GPD2: variants seen among roughly 807,000 people sequenced by gnomAD.
The protein encoded by GPD2 is glycerol-3-phosphate dehydrogenase 2.
GPD2 carries 54 observed loss-of-function variants against 82.4 expected under a neutral mutation model. The observed-to-expected ratio is 0.66, with a 90% CI of 0.53 to 0.82. The LOEUF (loss-of-function observed/expected upper bound fraction) is 0.82. GPD2 is among the 40% of genes least tolerant of loss of function. The probability of loss-of-function intolerance (pLI) is 0.00; values close to 1 mark genes in which losing one functional copy is unlikely to be tolerated. For missense variants in GPD2, 748 were observed against 896.2 expected, an observed-to-expected ratio of 0.83 and a Z score of 2.11; for synonymous variants, 288 against 306.1, an observed-to-expected ratio of 0.94 and a Z score of 0.62.
chr2:156,579,054 A>T (rs1558972185), intron 14 of GPD2, 32 bp from the exon 15 acceptor site: 1 of 1,562,982 alleles, frequency 6.4e-7, no homozygotes. Flanking sequence ...CTATGTAAGT[A>T]TATTTTTCCA....
the GPD2 span, among the ~76,000 whole-genome samples, chr2:156,425,013 A>G: frequency 3.3e-5 from 5 of 152,088 alleles, no homozygotes; most frequent in East Asian, 9.6e-4. Flanking sequence ...AAAAACTGTA[A>G]TTTCCTAATG....
At chr2:156,508,343 G>A (rs1684860822) in intron 3 of GPD2, among the ~76,000 whole-genome samples, 1 of 152,004 alleles carries the variant, frequency 6.6e-6, no homozygotes, top group African/African-American at 2.4e-5. Context: ...AAGAGAGAGA[G>A]CACTTCCCAG....
chr2:156,516,650 G>T (rs1685208343), intron 6 of GPD2, among the ~76,000 whole-genome samples: 2 of 152,170 alleles, frequency 1.3e-5, no homozygotes, highest in Non-Finnish European at 2.9e-5. Flanking sequence ...TCCCTGTATT[G>T]CCTAGGCTAG....
chr2:156,427,330 A>G, the GPD2 span, among the ~76,000 whole-genome samples: 4 of 152,220 alleles, frequency 2.6e-5, no homozygotes, highest in Admixed American at 6.5e-5. Context: ...TTCTGCTCTT[A>G]TCTCTAAATG....
chr2:156,567,097 A>G (rs1217550837), intron 9 of GPD2, among the ~76,000 whole-genome samples: 1 of 151,970 alleles, frequency 6.6e-6, no homozygotes, highest in Non-Finnish European at 1.5e-5. Context: ...AATTTCTCAT[A>G]TGTTCTGCAT....
At position 156,558,765 on chromosome 2, in the gene GPD2, C is replaced by CTTTTTTTTTTTTTTTT. The variant is rs34524248; in HGVS notation, c.1165+1199_1165+1214dup. On this transcript the variant is annotated intron_variant, in intron 9 of 16. Transcript: ENST00000438166. ...GGTGCCCACCACCACGCCCAGCTAA[C>CTTTTTTTTTTTTTTTT]TTTTTTTTTTTTTTTTTTTTTTTTT... is the stretch of plus-strand genomic sequence containing the variant. Among the ~76,000 whole-genome samples the CTTTTTTTTTTTTTTTT allele has an allele frequency of 4.9e-5, 2 of 40,882 alleles. 1 individual carries two copies. Among genetic ancestry groups the CTTTTTTTTTTTTTTTT allele is most frequent in the Non-Finnish European group, 8.3e-5 (2 of 24,168 alleles). The allele number at this position is 40,882 out of a possible 152,430, so 26.8% of individuals were successfully genotyped here.
chr2:156,510,994 T>C (rs962282526), intron 4 of GPD2, 74 bp downstream of exon 4: 1 of 1,302,402 alleles, frequency 7.7e-7, no homozygotes, highest in Non-Finnish European at 1.1e-6. Flanking sequence ...CAGGTTTTTT[T>C]TTCTTTAATG....
Position 156,578,872 on chromosome 2 carries a change from G to A in GPD2, c.1768-17G>A, listed in dbSNP as rs1687919688. On this transcript the variant is annotated splice_polypyrimidine_tract_variant and intron_variant, in intron 13 of 16. Coordinates refer to ENST00000438166, the MANE Select transcript of GPD2 (RefSeq NM_000408.5). ...ATTTCCATGTGTCTTTGAACTTTGT[G>A]TGTATCTCTGTTTTAGGAACAACTT... is the stretch of plus-strand genomic sequence containing the variant. The A allele has an allele frequency of 5.2e-6, 7 of 1,336,504 alleles. No homozygotes were observed. The highest frequency in any genetic ancestry group is 7.5e-6 in the Non-Finnish European group (7 of 928,152). The allele number at this position is 1,336,504 out of a possible 1,614,324, so 82.8% of individuals were successfully genotyped here. A position where few individuals can be genotyped will look rare whatever the true frequency, so the allele number is the denominator to read the frequency against.
chr2:156,448,329 T>G (rs1015452031), intron 1 of GPD2, among the ~76,000 whole-genome samples: 2 of 152,212 alleles, frequency 1.3e-5, no homozygotes, highest in African/African-American at 4.8e-5. Context: ...AGGCTGGTCT[T>G]GAGCTCCTGA....
chr2:156,461,769 CAT>C (rs1049170564), intron 1 of GPD2, among the ~76,000 whole-genome samples: 29 of 152,154 alleles, frequency 1.9e-4, no homozygotes, highest in African/African-American at 6.3e-4. Context: ...TGTTTGTTTA[CAT>C]GTTTATTTTT....
At chr2:156,515,829 A>G (rs1405336610) in intron 6 of GPD2, among the ~76,000 whole-genome samples, 1 of 152,222 alleles carries the variant, frequency 6.6e-6, no homozygotes, top group African/African-American at 2.4e-5. Context: ...AGGCCCAACT[A>G]TATCATACTT....
the GPD2 span, among the ~76,000 whole-genome samples, chr2:156,420,547 T>C: frequency 6.6e-6 from 1 of 152,188 alleles, no homozygotes; most frequent in Non-Finnish European, 1.5e-5. Flanking sequence ...CCATAATTTC[T>C]CCTATTTTAG....
At chr2:156,569,320 A>G in intron 10 of GPD2, 43 bp from the exon 11 acceptor site, 1 of 1,331,404 alleles carries the variant, frequency 7.5e-7, no homozygotes, top group South Asian at 1.2e-5. Context: ...TAAGAAAAAT[A>G]AGGGGTGGCA....
intron 6 of GPD2, among the ~76,000 whole-genome samples, chr2:156,546,934 G>T (rs568747517): frequency 6.6e-6 from 1 of 150,428 alleles, no homozygotes; most frequent in African/African-American, 2.4e-5. Context: ...TTAACACAGC[G>T]AATGAGATTA....
At chr2:156,457,949 C>T (rs78876436) in intron 1 of GPD2, among the ~76,000 whole-genome samples, 118 of 152,314 alleles carry the variant, frequency 7.7e-4, no homozygotes, top group African/African-American at 2.8e-3. Context: ...GAAACTAAAG[C>T]TCATAGTCAC....
chr2:156,471,113 T>C (rs1026422121), intron 1 of GPD2, among the ~76,000 whole-genome samples: 7 of 152,246 alleles, frequency 4.6e-5, no homozygotes, highest in Non-Finnish European at 1.0e-4. Flanking sequence ...ATTTTCCAGC[T>C]GCCCAAACTA....
intron 6 of GPD2, among the ~76,000 whole-genome samples, chr2:156,540,791 T>A (rs3769362): frequency 1.3e-5 from 2 of 152,166 alleles, no homozygotes; most frequent in East Asian, 3.9e-4. Context: ...GAATCTTATT[T>A]TTCAGTGGTA....
the GPD2 span, among the ~76,000 whole-genome samples, chr2:156,421,004 T>G: frequency 1.3e-5 from 2 of 152,234 alleles, no homozygotes; most frequent in Non-Finnish European, 2.9e-5. Context: ...GCCTACAGAA[T>G]AGAGTTTATT....
chr2:156,514,948 A>T (rs1487134113), intron 6 of GPD2, among the ~76,000 whole-genome samples: 1 of 152,162 alleles, frequency 6.6e-6, no homozygotes, highest in Non-Finnish European at 1.5e-5. Context: ...GGCATTCTGT[A>T]AATAGCGTCC....
Sources: allele counts gnomAD v4.1 joint callset (sites outside exome capture counted in the v4.1 genomes callset), GRCh38; gene constraint gnomAD v4.1.1; transcripts MANE v1.5; gene names NCBI Gene and HGNC (gene_info 2026-07-23, HGNC 2026-07-21).